Variants in ZC3H3 observed in about 807,000 individuals in gnomAD.
ZC3H3 encodes the protein zinc finger CCCH-type containing 3.
ZC3H3 carries 36 observed loss-of-function variants against 77.3 expected under a neutral mutation model. The ratio of observed to expected loss-of-function variants is 0.47; its 90% confidence interval spans 0.36 to 0.61. The LOEUF (loss-of-function observed/expected upper bound fraction) is 0.61, where lower values mean the gene tolerates loss of function less well. Among genes scored for constraint, ZC3H3 ranks in the 20% least tolerant of loss-of-function variants. ZC3H3 has a pLI of 0.00. For synonymous variants in ZC3H3, 626 were observed against 555.2 expected, an observed-to-expected ratio of 1.13 and a Z score of -1.79; for missense variants, 1,331 against 1,312.2, an observed-to-expected ratio of 1.01 and a Z score of -0.22.
chr8:143,463,089 T>C (rs1159175936), intron 9 of ZC3H3, among the ~76,000 whole-genome samples: 16 of 151,122 alleles, frequency 1.1e-4, no homozygotes. Context: ...GTTCCAGCAA[T>C]TCTCCTGCCT....
Position 143,462,562 on chromosome 8 carries a change from G to A in ZC3H3, c.2307+3155C>T, listed in dbSNP as rs546829618. ...CCTGGAGGATGAAGGCAGGGTGTGCGTGAGGGGAATCCCAGGTGACTCAGG... is the reference window on the plus strand; with the variant it reads ...CCTGGAGGATGAAGGCAGGGTGTGCATGAGGGGAATCCCAGGTGACTCAGG... On this transcript the variant is annotated intron_variant, in intron 9 of 11. Coordinates refer to ENST00000262577, the MANE Select transcript of ZC3H3 (RefSeq NM_015117.3). The surrounding 1 kb of genome is among the most constrained non-coding windows in gnomAD (Gnocchi z 4.7). 6.6e-5 allele frequency among the ~76,000 whole-genome samples: 10 copies of A among 152,332 alleles called. No homozygotes were observed. The South Asian group carries it at 8.3e-4, about 13-fold the overall frequency.
At position 143,532,379 on chromosome 8, in the gene ZC3H3, A is replaced by G. The variant is rs145417120; in HGVS notation, c.1561+3878T>C. On this transcript the variant is annotated intron_variant, in intron 3 of 11. Coordinates refer to ENST00000262577, the MANE Select transcript of ZC3H3 (RefSeq NM_015117.3). ...TTTCAGAAGCCCCTGTCCCTGGTGC[A>G]TAAGTCCACAGGGCAGTCGTCCCCA... Among the ~76,000 whole-genome samples the G allele has an allele frequency of 2.6e-4, 40 of 152,396 alleles. No individual in the cohort carries two copies. In the East Asian group the frequency reaches 6.0e-3, roughly 23 times the overall value.
intron 3 of ZC3H3, among the ~76,000 whole-genome samples, chr8:143,526,299 A>G (rs1414253756): frequency 6.6e-6 from 1 of 152,218 alleles, no homozygotes; most frequent in Middle Eastern, 3.2e-3. Context: ...CCCAGAGCTC[A>G]GCGGATGCCC....
chr8:143,530,420 T>C lies in ZC3H3; in HGVS notation c.1561+5837A>G, dbSNP rs1822565574. On this transcript the variant is annotated intron_variant, in intron 3 of 11. Transcript: ENST00000262577. The surrounding 1 kb of genome is among the most constrained non-coding windows in gnomAD (Gnocchi z 4.3). ...ATGACGACACCACTGCCTACCCACC[T>C]ACCATGACTTTTCCCTGGCGTAAAA... Among the ~76,000 whole-genome samples, 1 of 152,152 alleles carries C rather than the reference T, an allele frequency of 6.6e-6. No individual in the cohort carries two copies. Among genetic ancestry groups the C allele is most frequent in the Non-Finnish European group, 1.5e-5 (1 of 68,004 alleles).
rs992362000 is a variant in ZC3H3, at chr8:143,440,326, G to A, written c.2530C>T (p.Pro844Ser). 1.3e-6 allele frequency: 2 copies of A among 1,545,456 alleles called. No homozygotes were observed. Among genetic ancestry groups the A allele is most frequent in the Admixed American group, 1.9e-5 (1 of 52,646 alleles). ...SASQRPTRQTPSSAALTAAAV... is the reference protein window; with the variant it reads ...SASQRPTRQTSSSAALTAAAV... ...GCCGCAGTGAGGGCAGCCGAGCTGG[G>A]CGTCTGCCTGGTGGGGCGCTGGGAT... Residue 844 changes from proline (P) to serine (S), a missense_variant, in exon 11 of 12, where the codon CCC (proline) becomes TCC (serine). Pro to Ser is a moderately conservative substitution (Grantham distance 74, BLOSUM62 -1). Coordinates refer to ENST00000262577, the MANE Select transcript of ZC3H3 (RefSeq NM_015117.3).
chr8:143,483,340 T>C (rs1187935857), intron 4 of ZC3H3, among the ~76,000 whole-genome samples: 1 of 152,198 alleles, frequency 6.6e-6, no homozygotes, highest in Non-Finnish European at 1.5e-5. Context: ...CCCTCCCGGT[T>C]TCTCCTGGTG....
intron 3 of ZC3H3, among the ~76,000 whole-genome samples, chr8:143,529,513 A>G (rs1822531588): frequency 6.6e-6 from 1 of 152,180 alleles, no homozygotes; most frequent in South Asian, 2.1e-4. Flanking sequence ...GAGGACTCAG[A>G]GAGGTCACAT....
intron 4 of ZC3H3, among the ~76,000 whole-genome samples, chr8:143,496,265 GC>G (rs1821348595): frequency 6.6e-6 from 1 of 152,202 alleles, no homozygotes; most frequent in Non-Finnish European, 1.5e-5. Context: ...GTGCCCCCAG[GC>G]CAAGACCTTA....
At chr8:143,440,832 A>C (rs1280508136) in intron 10 of ZC3H3, 104 bp downstream of exon 10, 7 of 1,234,502 alleles carry the variant, frequency 5.7e-6, no homozygotes, top group Non-Finnish European at 7.2e-6. Context: ...CTGAGGCCCA[A>C]AGAGCTGGAG....
At chr8:143,472,387 T>C (rs1820592969) in intron 5 of ZC3H3, among the ~76,000 whole-genome samples, 1 of 152,176 alleles carries the variant, frequency 6.6e-6, no homozygotes, top group South Asian at 2.1e-4. Context: ...CTCTGCCATG[T>C]GTGTAAATGG....
Position 143,468,283 on chromosome 8 carries a change from A to C in ZC3H3, c.2106-5T>G. ...TTGCAGGTGCCCCGGACAAACCTGC[A>C]GCACCAGGAGAAACGGGTATGAGGA... On this transcript the variant is annotated splice_polypyrimidine_tract_variant and splice_region_variant and intron_variant, in intron 7 of 11. Coordinates refer to ENST00000262577, the MANE Select transcript of ZC3H3 (RefSeq NM_015117.3). 6.2e-7 allele frequency: 1 copy of C among 1,613,066 alleles called. No individual in the cohort carries two copies. Among genetic ancestry groups the C allele is most frequent in the East Asian group, 2.2e-5 (1 of 44,868 alleles).
At chr8:143,453,203 G>C (rs970058002) in intron 9 of ZC3H3, among the ~76,000 whole-genome samples, 1 of 152,148 alleles carries the variant, frequency 6.6e-6, no homozygotes, top group South Asian at 2.1e-4. Flanking sequence ...TCAGCCACCT[G>C]AGTAGCTGGG....
chr8:143,470,900 A>AT (rs1239386332), intron 5 of ZC3H3, among the ~76,000 whole-genome samples: 2 of 152,232 alleles, frequency 1.3e-5, no homozygotes, highest in African/African-American at 4.8e-5. Flanking sequence ...AGAAGGCGCC[A>AT]TGCATTCCAG....
At chr8:143,474,904 C>T (rs138948224) in intron 5 of ZC3H3, among the ~76,000 whole-genome samples, 8 of 152,370 alleles carry the variant, frequency 5.3e-5, no homozygotes, top group Admixed American at 2.6e-4. Flanking sequence ...GTCGCCAATG[C>T]GATTACGGGC....
At chr8:143,444,807 A>G (rs1209530235) in intron 9 of ZC3H3, among the ~76,000 whole-genome samples, 1 of 152,218 alleles carries the variant, frequency 6.6e-6, no homozygotes, top group Non-Finnish European at 1.5e-5. Context: ...TCACCAGTCA[A>G]TATTGTATTG....
chr8:143,537,342 C>A (rs969102022), intron 2 of ZC3H3, among the ~76,000 whole-genome samples: 2 of 152,212 alleles, frequency 1.3e-5, no homozygotes, highest in African/African-American at 4.8e-5. Flanking sequence ...CTCAACACTC[C>A]GCAAGGGAGG....
intron 3 of ZC3H3, among the ~76,000 whole-genome samples, chr8:143,521,092 G>A (rs909268149): frequency 1.7e-4 from 26 of 152,104 alleles, no homozygotes; most frequent in Admixed American, 9.8e-4. Context: ...GGGCAGGCCC[G>A]GCCCCGCCAC....
chr8:143,510,078 AGT>A, intron 3 of ZC3H3, among the ~76,000 whole-genome samples: 1 of 152,306 alleles, frequency 6.6e-6, no homozygotes, highest in Non-Finnish European at 1.5e-5. Context: ...ACTCCTGCGC[AGT>A]GCTGGCAGTG....
chr8:143,506,599 C>T (rs868303163), intron 4 of ZC3H3, among the ~76,000 whole-genome samples: 1 of 152,114 alleles, frequency 6.6e-6, no homozygotes, highest in African/African-American at 2.4e-5. Context: ...CCCCGAGATG[C>T]TTATAAATCT....
Sources: allele counts gnomAD v4.1 joint callset (sites outside exome capture counted in the v4.1 genomes callset), GRCh38; gene constraint gnomAD v4.1.1; non-coding constraint Gnocchi (gnomAD v3.1); transcripts MANE v1.5; gene names NCBI Gene and HGNC (gene_info 2026-07-23, HGNC 2026-07-21).